SACS: variants seen among roughly 807,000 people sequenced by gnomAD.
SACS encodes sacsin molecular chaperone.
A neutral mutation model predicts 348.0 loss-of-function variants in SACS; 197 were observed. That is an observed-to-expected ratio of 0.57 (90% confidence interval 0.50 to 0.64). SACS has a LOEUF of 0.64. SACS is among the 30% of genes least tolerant of loss of function. SACS has a pLI of 0.00. For missense variants in SACS, 4,999 were observed against 5,360.8 expected (o/e 0.93, Z 2.11); for synonymous variants, 1,985 against 1,910.6 (o/e 1.04, Z -1.02).
chr13:23,368,077 T>C (rs907540461), intron 5 of SACS, among the ~76,000 whole-genome samples: 4 of 136,100 alleles, frequency 2.9e-5, no homozygotes, highest in African/African-American at 1.2e-4. Context: ...GCTGGCTGGC[T>C]GGTTGGTTGG....
intron 6 of SACS, among the ~76,000 whole-genome samples, chr13:23,361,212 GGCA>G (rs1370327325): frequency 2.9e-4 from 44 of 152,328 alleles, no homozygotes; most frequent in African/African-American, 1.1e-3. Context: ...GGCAGAACCA[GGCA>G]GAGCATACAG....
chr13:23,420,874 A>G (rs993764715), intron 1 of SACS, among the ~76,000 whole-genome samples: 2 of 151,990 alleles, frequency 1.3e-5, no homozygotes, highest in Admixed American at 6.5e-5. Context: ...CGGATTGTCC[A>G]TCAGGGACCT....
Position 23,364,625 on chromosome 13 carries a change from TC to T in SACS, c.457+540del, listed in dbSNP as rs767637942. On this transcript the variant is annotated intron_variant, in intron 6 of 9. Coordinates refer to ENST00000382292, the MANE Select transcript of SACS (RefSeq NM_014363.6). ...TGAACATTCTTTTTGACACCAAAGC[TC>T]CCCGGAGTAGAAGTGAGATATTAGG... Among the ~76,000 whole-genome samples, 7 of 152,276 alleles carry T rather than the reference TC, an allele frequency of 4.6e-5. No homozygotes were observed. The South Asian group carries it at 8.3e-4, about 18-fold the overall frequency.
chr13:23,370,190 C>A (rs1394332296), intron 4 of SACS, among the ~76,000 whole-genome samples: 1 of 152,212 alleles, frequency 6.6e-6, no homozygotes, highest in Non-Finnish European at 1.5e-5. Context: ...TCCATCCACG[C>A]TTGTCTTCCT....
chr13:23,341,750 T>C, intron 9 of SACS, 60 bp from the exon 10 acceptor site: 1 of 1,353,690 alleles, frequency 7.4e-7, no homozygotes. Flanking sequence ...CAGCTTTCTA[T>C]TCTCACAAAT....
At chr13:23,356,275 C>T (rs538733509) in intron 7 of SACS, among the ~76,000 whole-genome samples, 2 of 152,314 alleles carry the variant, frequency 1.3e-5, no homozygotes, top group African/African-American at 4.8e-5. Flanking sequence ...ACTCACTACA[C>T]AAAAGATGGG....
intron 2 of SACS, among the ~76,000 whole-genome samples, chr13:23,381,863 T>C (rs1872072060): frequency 6.6e-6 from 1 of 152,204 alleles, no homozygotes; most frequent in Non-Finnish European, 1.5e-5. Context: ...TATCATTACT[T>C]TATTGCTGTG....
At position 23,337,780 on chromosome 13, in the gene SACS, CGAA is replaced by C. The variant is rs1868784172; in HGVS notation, c.6093_6095del (p.Ser2032del). On this transcript the variant is annotated inframe_deletion, in exon 10 of 10. Transcript: ENST00000382292. ...CAGCTTCTTCAAATCCTAATTTTAC[CGAA>C]GAAGGAAGTTCAACAGCACAAAGGT... is the stretch of plus-strand genomic sequence containing the variant. 1 of 1,613,662 alleles carries C rather than the reference CGAA, an allele frequency of 6.2e-7. No homozygotes were observed. Among genetic ancestry groups the C allele is most frequent in the South Asian group, 1.1e-5 (1 of 91,056 alleles).
In SACS at chr13:23,386,594, T is replaced by C. The variant is rs144176205; in HGVS notation, c.21-11325A>G. On this transcript the variant is annotated intron_variant, in intron 2 of 9. Transcript: ENST00000382292. ...GTAATAAGGCTGTTTTGCTTTCTTA[T>C]AGTTTCTGTATTCACTGGAATAGCA... Among the ~76,000 whole-genome samples, 776 of 152,364 alleles carry C rather than the reference T, an allele frequency of 5.1e-3. 7 individuals are homozygous for C. The highest frequency in any genetic ancestry group is 0.017 in the African/African-American group (718 of 41,580).
rs770947700 is a variant in SACS, at chr13:23,340,683, A to G, written c.3193T>C (p.Phe1065Leu). The G allele has an allele frequency of 2.5e-6, 4 of 1,594,212 alleles. No homozygotes were observed. In the East Asian group the frequency reaches 8.9e-5, roughly 36 times the overall value. Residue 1065 changes from phenylalanine (F) to leucine (L), a missense_variant, in exon 10 of 10, where the codon TTT (phenylalanine) becomes CTT (leucine). Phe to Leu is a conservative substitution (Grantham distance 22). Around this residue, in one of 6 missense-constraint regions of SACS, gnomAD observed 3,156 missense variants for 3,380.1 expected, o/e 0.93. Coordinates refer to ENST00000382292, the MANE Select transcript of SACS (RefSeq NM_014363.6). ...AAATAGGTTCCTTCTTCATTACAAA[A>G]GAGATCCTTTAGTACTTCTATATCA... is the stretch of plus-strand genomic sequence containing the variant. ...DPDIEVLKDL[F>L]CNEEGTYFPP... is the part of the protein sequence containing the mutation.
intron 1 of SACS, among the ~76,000 whole-genome samples, chr13:23,421,653 C>T (rs1188486808): frequency 1.3e-5 from 2 of 151,754 alleles, no homozygotes; most frequent in Non-Finnish European, 2.9e-5. Flanking sequence ...ATCTTAAGTC[C>T]AGTGTCCACC....
Position 23,329,995 on chromosome 13 carries a change from T to C in SACS, c.*141A>G, listed in dbSNP as rs1473723116. On this transcript the variant is annotated 3_prime_UTR_variant, in exon 10 of 10. Transcript: ENST00000382292. ...GGTTTTCCGTTGGTATTCATGTTCA[T>C]AACAACTCCAGAATTCTCCAAGAAC... The C allele has an allele frequency of 7.6e-6, 6 of 790,868 alleles. No individual in the cohort carries two copies. Among genetic ancestry groups the C allele is most frequent in the Non-Finnish European group, 1.0e-5 (5 of 489,996 alleles). The allele number at this position is 790,868 out of a possible 1,614,324, so 49.0% of individuals were successfully genotyped here. A position where few individuals can be genotyped will look rare whatever the true frequency, so the allele number is the denominator to read the frequency against.
chr13:23,390,680 T>A (rs1412797156), intron 2 of SACS, among the ~76,000 whole-genome samples: 1 of 152,066 alleles, frequency 6.6e-6, no homozygotes, highest in East Asian at 1.9e-4. Context: ...AAATAAGAAG[T>A]AAATAAGTAA....
At position 23,333,860 on chromosome 13, in the gene SACS, G is replaced by T; in HGVS notation, c.10016C>A (p.Ser3339Tyr). 6.2e-7 allele frequency: 1 copy of T among 1,613,796 alleles called. No individual in the cohort carries two copies. Among genetic ancestry groups the T allele is most frequent in the Non-Finnish European group, 8.5e-7 (1 of 1,179,816 alleles). Residue 3339 changes from serine to tyrosine, a missense_variant, in exon 10 of 10, where the codon TCC (serine) becomes TAC (tyrosine). Physicochemically the swap from Ser to Tyr is moderately radical, Grantham distance 144. This residue lies in a region of SACS where 734 missense variants were observed against 694.0 expected (regional missense o/e 1.06). Coordinates refer to ENST00000382292, the MANE Select transcript of SACS (RefSeq NM_014363.6). ...CAAAGGAACAAATGCACTGTCTTTG[G>T]AACAGATTTTGTTCAAAGCAAGCTG... ...CIQLALNKIC[S>Y]KDSAFVPLLS...
At chr13:23,415,178 T>G (rs1873649773) in intron 1 of SACS, among the ~76,000 whole-genome samples, 1 of 151,964 alleles carries the variant, frequency 6.6e-6, no homozygotes, top group Non-Finnish European at 1.5e-5. Flanking sequence ...ACTACAGGCA[T>G]GCACCACTAT....
At chr13:23,363,823 G>A (rs552768289) in intron 6 of SACS, among the ~76,000 whole-genome samples, 4 of 152,254 alleles carry the variant, frequency 2.6e-5, no homozygotes, top group African/African-American at 9.6e-5. Context: ...TCAGTGTGAG[G>A]GTCACAGCTG....
intron 4 of SACS, 94 bp downstream of exon 4, chr13:23,370,984 T>C: frequency 1.3e-6 from 1 of 748,604 alleles, no homozygotes; most frequent in Admixed American, 2.2e-5. Flanking sequence ...AGGGCGAGAC[T>C]CAGTTTCAAA....
intron 4 of SACS, among the ~76,000 whole-genome samples, chr13:23,369,693 C>T (rs1406670047): frequency 2.0e-5 from 3 of 151,748 alleles, no homozygotes; most frequent in African/African-American, 4.8e-5. Context: ...TACAGGTGCC[C>T]GCCACCATAC....
rs922771267 is a variant in SACS at position 23,371,168 on chromosome 13, GA to G, written c.172-4del. The G allele has an allele frequency of 2.5e-6, 4 of 1,590,574 alleles. No homozygotes were observed. Among genetic ancestry groups the G allele is most frequent in the Non-Finnish European group, 2.6e-6 (3 of 1,163,102 alleles). On this transcript the variant is annotated splice_region_variant and splice_polypyrimidine_tract_variant and intron_variant, in intron 3 of 9. Coordinates refer to ENST00000382292, the MANE Select transcript of SACS (RefSeq NM_014363.6). ...CCAATCTTGATCCAGTCAGATAACT[GA>G]AAAAAAGCAAAAGAAAATGTATGAA...
Sources: gnomAD v4.1 joint callset for allele counts (sites outside exome capture counted in the v4.1 genomes callset) on GRCh38, gnomAD v4.1.1 for gene constraint, gnomAD v4.1.1 regional missense constraint, MANE v1.5 for transcripts, NCBI Gene and HGNC (gene_info 2026-07-23, HGNC 2026-07-21) for gene names.